CCDC30: variants seen among roughly 807,000 people sequenced by gnomAD.
CCDC30 encodes the protein coiled-coil domain containing 30, also known as coiled-coil domain-containing protein 30.
In CCDC30, 70 loss-of-function variants were observed where a neutral mutation model predicts 100.2. The observed-to-expected ratio is 0.70, with a 90% CI of 0.58 to 0.85. The LOEUF (loss-of-function observed/expected upper bound fraction) is 0.85, where lower values mean the gene tolerates loss of function less well. Ranked by LOEUF, CCDC30 falls within the 40% of genes least tolerant of loss-of-function variation. CCDC30 has a pLI of 0.00. For missense variants in CCDC30, 652 were observed against 771.2 expected (o/e 0.85, Z 1.83); for synonymous variants, 233 against 269.5 (o/e 0.86, Z 1.33).
intron 7 of CCDC30, among the ~76,000 whole-genome samples, chr1:42,570,502 C>T (rs181274860): frequency 4.7e-4 from 71 of 152,060 alleles, no homozygotes; most frequent in Non-Finnish European, 8.7e-4. Context: ...CTAAACACTA[C>T]CCAGGAGAAG....
intron 11 of CCDC30, among the ~76,000 whole-genome samples, chr1:42,611,913 C>A (rs1267994505): frequency 1.3e-5 from 2 of 152,120 alleles, no homozygotes; most frequent in East Asian, 3.9e-4. Flanking sequence ...CCTTGGCCTC[C>A]CAAAATGCTG....
intron 10 of CCDC30, among the ~76,000 whole-genome samples, chr1:42,606,085 A>G (rs1017767646): frequency 2.0e-5 from 3 of 152,204 alleles, no homozygotes; most frequent in African/African-American, 7.2e-5. Context: ...ACCTAACTCT[A>G]TTATAAAGTT....
intron 11 of CCDC30, among the ~76,000 whole-genome samples, chr1:42,624,535 AGTGGTGT>A (rs1646897428): frequency 6.6e-6 from 1 of 152,146 alleles, no homozygotes; most frequent in Admixed American, 6.5e-5. Flanking sequence ...ACTGGAGTGC[AGTGGTGT>A]GATCTTGGCT....
chr1:42,491,810 A>AT, intron 4 of CCDC30: 1 of 339,464 alleles, frequency 2.9e-6, no homozygotes, highest in South Asian at 3.4e-5. Flanking sequence ...TGGTTGATCC[A>AT]TTTTCTAAGA....
chr1:42,603,969 T>C (rs375611937), intron 10 of CCDC30, among the ~76,000 whole-genome samples: 1 of 152,216 alleles, frequency 6.6e-6, no homozygotes, highest in East Asian at 1.9e-4. Context: ...CCTGTAATTC[T>C]AGGACTTTAG....
chr1:42,579,053 C>G (rs1009965836), intron 8 of CCDC30, among the ~76,000 whole-genome samples: 4 of 152,050 alleles, frequency 2.6e-5, no homozygotes, highest in African/African-American at 9.7e-5. Flanking sequence ...TGCAGTGGCG[C>G]TATCTCGGCT....
chr1:42,495,946 C>T (rs1644225344), intron 4 of CCDC30, among the ~76,000 whole-genome samples: 1 of 151,832 alleles, frequency 6.6e-6, no homozygotes, highest in Non-Finnish European at 1.5e-5. Context: ...GTATGTTTAC[C>T]AACAATAGAT....
chr1:42,650,514 T>A (rs1648258663), intron 15 of CCDC30, among the ~76,000 whole-genome samples: 1 of 151,284 alleles, frequency 6.6e-6, no homozygotes, highest in Admixed American at 6.6e-5. Flanking sequence ...TGTGTGTGTG[T>A]GTGTGTGTGT....
At chr1:42,562,423 A>T (rs992731819) in intron 6 of CCDC30, among the ~76,000 whole-genome samples, 1 of 152,164 alleles carries the variant, frequency 6.6e-6, no homozygotes, top group African/African-American at 2.4e-5. Flanking sequence ...ATGAAACTGG[A>T]CCCCTTCCTG....
chr1:42,541,112 C>T (rs561238466), intron 6 of CCDC30, among the ~76,000 whole-genome samples: 86 of 152,282 alleles, frequency 5.6e-4, no homozygotes, highest in Non-Finnish European at 8.5e-4. Context: ...TTATTTCTCT[C>T]AGTTCTAGAG....
intron 11 of CCDC30, among the ~76,000 whole-genome samples, chr1:42,623,490 C>A (rs1646878160): frequency 6.6e-6 from 1 of 152,134 alleles, no homozygotes; most frequent in African/African-American, 2.4e-5. Context: ...ATTGAAGAGA[C>A]TATCTTTTCC....
chr1:42,626,841 T>G (rs1264597356), intron 11 of CCDC30, among the ~76,000 whole-genome samples: 1 of 152,212 alleles, frequency 6.6e-6, no homozygotes, highest in Non-Finnish European at 1.5e-5. Flanking sequence ...CCCAGCCATG[T>G]GGAGCTGTAA....
intron 11 of CCDC30, among the ~76,000 whole-genome samples, chr1:42,614,747 A>G (rs561238222): frequency 1.3e-5 from 2 of 151,816 alleles, no homozygotes; most frequent in African/African-American, 4.8e-5. Flanking sequence ...AGATCATGCC[A>G]CTGCACCCTA....
At chr1:42,520,390 G>C (rs935731094) in intron 6 of CCDC30, among the ~76,000 whole-genome samples, 6 of 150,294 alleles carry the variant, frequency 4.0e-5, no homozygotes, top group African/African-American at 1.5e-4. Context: ...GGAGTGCAGT[G>C]GCATGATCTT....
chr1:42,500,079 G>A (rs944030784), intron 6 of CCDC30: 12 of 889,354 alleles, frequency 1.3e-5, no homozygotes, highest in Non-Finnish European at 2.2e-5. Context: ...GATGTGAAAG[G>A]GGCAGCACAG....
chr1:42,459,587 T>G (rs746254798), upstream of CCDC30: 25 of 1,601,058 alleles, frequency 1.6e-5, no homozygotes, highest in Non-Finnish European at 2.0e-5. Context: ...ATTAAGCTTT[T>G]CTTTTTCCAA....
At chr1:42,474,930 A>T (rs1449096465) in intron 1 of CCDC30, among the ~76,000 whole-genome samples, 1 of 152,220 alleles carries the variant, frequency 6.6e-6, no homozygotes, top group Non-Finnish European at 1.5e-5. Context: ...AACAATTTTT[A>T]ATGTAATCTC....
chr1:42,572,039 T>C (rs149904504), intron 7 of CCDC30, among the ~76,000 whole-genome samples: 21 of 152,342 alleles, frequency 1.4e-4, no homozygotes, highest in African/African-American at 5.1e-4. Flanking sequence ...CTGATGTCCA[T>C]AAGTACACAT....
intron 12 of CCDC30, among the ~76,000 whole-genome samples, chr1:42,638,414 A>T (rs900000470): frequency 6.6e-6 from 1 of 151,616 alleles, no homozygotes; most frequent in African/African-American, 2.4e-5. Context: ...GTGAGAGAAG[A>T]AAAATAAGTT....
Sources: allele counts gnomAD v4.1 joint callset (sites outside exome capture counted in the v4.1 genomes callset), GRCh38; gene constraint gnomAD v4.1.1; transcripts MANE v1.5; gene names NCBI Gene and HGNC (gene_info 2026-07-23, HGNC 2026-07-21).